Variants in ATXN2 observed in about 807,000 individuals in gnomAD.
ATXN2 encodes the protein ataxin 2.
A neutral mutation model predicts 138.6 loss-of-function variants in ATXN2; 37 were observed. That is an observed-to-expected ratio of 0.27 (90% confidence interval 0.21 to 0.35). ATXN2 has a LOEUF of 0.35. Ranked by LOEUF, ATXN2 falls within the 10% of genes least tolerant of loss-of-function variation. The pLI, the probability that ATXN2 is intolerant of heterozygous loss-of-function variation, is 1.00. For missense variants in ATXN2, 1,216 were observed against 1,480.3 expected (o/e 0.82, Z 2.93); for synonymous variants, 549 against 543.7 (o/e 1.01, Z -0.13).
At chr12:111,479,113 T>G (rs1877030045) in intron 18 of ATXN2, 1 of 392,318 alleles carries the variant, frequency 2.5e-6, no homozygotes, top group East Asian at 3.6e-5. Context: ...CTAAAAGAAA[T>G]AAAAACACAA....
chr12:111,532,871 A>AT (rs1592870353), intron 5 of ATXN2, among the ~76,000 whole-genome samples: 2 of 151,010 alleles, frequency 1.3e-5, no homozygotes, highest in African/African-American at 4.9e-5. Context: ...AAAAAAAAAA[A>AT]GTCTGCTGAA....
intron 10 of ATXN2, among the ~76,000 whole-genome samples, chr12:111,515,492 C>A (rs371868586): frequency 6.6e-6 from 1 of 152,030 alleles, no homozygotes; most frequent in Non-Finnish European, 1.5e-5. Context: ...TTATTTTTGA[C>A]GAGGAAAGAA....
chr12:111,551,545 AT>A (rs1225546112), intron 5 of ATXN2, among the ~76,000 whole-genome samples: 1 of 151,936 alleles, frequency 6.6e-6, no homozygotes, highest in Non-Finnish European at 1.5e-5. Context: ...ACCCTTTTTC[AT>A]TTTCATTAGA....
chr12:111,559,777 C>CAA (rs58659313), intron 1 of ATXN2, among the ~76,000 whole-genome samples: 50 of 76,038 alleles, frequency 6.6e-4, no homozygotes, highest in Non-Finnish European at 5.6e-4. Context: ...TCTCAAAAAA[C>CAA]AAAAAAAAAA....
intron 20 of ATXN2, among the ~76,000 whole-genome samples, chr12:111,466,662 T>C (rs1000819264): frequency 2.0e-5 from 3 of 152,180 alleles, no homozygotes; most frequent in African/African-American, 7.2e-5. Flanking sequence ...ATACTAAAAA[T>C]TTAAAAACAA....
In ATXN2 at chr12:111,552,598, T is replaced by C; in HGVS notation, c.421-168A>G. The C allele has an allele frequency of 7.3e-6, 5 of 687,260 alleles. No individual in the cohort carries two copies. The South Asian group carries it at 1.3e-4, about 18-fold the overall frequency. 42.6% of individuals were successfully genotyped at this position (687,260 alleles called of 1,614,324 possible). On this transcript the variant is annotated intron_variant, in intron 4 of 24. Transcript: ENST00000673436. This position sits in a 1 kb window ranked among gnomAD's most constrained non-coding sequence, Gnocchi z 4.1. The stretch of plus-strand genomic sequence containing the variant: ...ATGATCTATTATCCATTCCATCATT[T>C]AAAAATCCTCATATCTAAATGTTTT...
intron 6 of ATXN2, among the ~76,000 whole-genome samples, chr12:111,523,262 A>C (rs1880290493): frequency 6.6e-6 from 1 of 151,996 alleles, no homozygotes; most frequent in Non-Finnish European, 1.5e-5. Flanking sequence ...ATAGGATCCC[A>C]GTGTTCTGCA....
rs187304282 is a variant in ATXN2, at chr12:111,576,933, G to C, written c.252-21014C>G. ...AGATCACGCCACTGCACTCCAGCCT[G>C]GGCGACAGAGCGAGACTCCGTCTCC... On this transcript the variant is annotated intron_variant, in intron 1 of 24. Coordinates refer to ENST00000673436, the MANE Select transcript of ATXN2 (RefSeq NM_001372574.1). 7.7e-3 allele frequency among the ~76,000 whole-genome samples: 1,177 copies of C among 151,980 alleles called. 4 individuals are homozygous for C. Among genetic ancestry groups the C allele is most frequent in the Non-Finnish European group, 1.0e-2 (678 of 67,966 alleles).
At chr12:111,469,082 T>C (rs1566008675) in intron 20 of ATXN2, 1 of 152,220 alleles carries the variant, frequency 6.6e-6, no homozygotes, top group Non-Finnish European at 1.5e-5. Context: ...TTTATATTCT[T>C]AGTATTTCAA....
At chr12:111,509,732 T>C in intron 13 of ATXN2, 113 bp from the exon 14 acceptor site, 1 of 929,964 alleles carries the variant, frequency 1.1e-6, no homozygotes, top group Non-Finnish European at 1.6e-6. Flanking sequence ...GAAAATAATT[T>C]CAAATATTAA....
chr12:111,599,563 G>C, upstream of ATXN2: 2 of 1,161,102 alleles, frequency 1.7e-6, no homozygotes, highest in Non-Finnish European at 2.1e-6. Context: ...GGTGCGGATA[G>C]GGACTCTTTA....
At chr12:111,496,653 AGAAATTAAGAAGAAAACTG>A (rs1373446549) in intron 14 of ATXN2, among the ~76,000 whole-genome samples, 1 of 152,186 alleles carries the variant, frequency 6.6e-6, no homozygotes, top group East Asian at 1.9e-4. Flanking sequence ...GGGTCCATGA[AGAAATTAAGAAGAAAACTG>A]GAAAATTCCT....
intron 18 of ATXN2, among the ~76,000 whole-genome samples, chr12:111,475,288 G>A (rs181718931): frequency 2.6e-3 from 367 of 141,122 alleles, no homozygotes; most frequent in African/African-American, 8.0e-3. Flanking sequence ...AGGTTGCAGT[G>A]AGTTGAGATT....
At chr12:111,507,585 G>C (rs1879235362) in intron 14 of ATXN2, among the ~76,000 whole-genome samples, 1 of 151,426 alleles carries the variant, frequency 6.6e-6, no homozygotes, top group African/African-American at 2.4e-5. Context: ...GGGAGGTGGG[G>C]GGCACCTCTG....
chr12:111,484,956 G>T (rs1213927643), intron 18 of ATXN2, among the ~76,000 whole-genome samples: 5 of 152,118 alleles, frequency 3.3e-5, no homozygotes, highest in Non-Finnish European at 7.3e-5. Context: ...TTGGGCTCCT[G>T]AGCTCAAGCA....
chr12:111,479,409 A>AG (rs977176489), intron 18 of ATXN2, among the ~76,000 whole-genome samples: 1 of 150,606 alleles, frequency 6.6e-6, no homozygotes, highest in Non-Finnish European at 1.5e-5. Context: ...AAAAAAAAAA[A>AG]AAAAAAAGAG....
chr12:111,512,153 G>A (rs1288599159), intron 11 of ATXN2: 2 of 152,054 alleles, frequency 1.3e-5, no homozygotes, highest in Middle Eastern at 3.4e-3. Flanking sequence ...GTTTCATCAT[G>A]TTGGTCAGGC....
chr12:111,473,238 C>A (rs1456384468), intron 18 of ATXN2, among the ~76,000 whole-genome samples: 1 of 150,672 alleles, frequency 6.6e-6, no homozygotes, highest in East Asian at 1.9e-4. Flanking sequence ...CATCCCACTG[C>A]ACTCCAGCCT....
At chr12:111,461,472 A>AAAAAT (rs59454350) in intron 21 of ATXN2, among the ~76,000 whole-genome samples, 15,080 of 151,592 alleles carry the variant, frequency 0.099, 2,538 homozygotes, top group African/African-American at 0.35. Flanking sequence ...CTCCGTCTCA[A>AAAAAT]AAAATAAAAT....
Sources: gnomAD v4.1 joint callset for allele counts (sites outside exome capture counted in the v4.1 genomes callset) on GRCh38, gnomAD v4.1.1 for gene constraint, Gnocchi (gnomAD v3.1) non-coding constraint, MANE v1.5 for transcripts, NCBI Gene and HGNC (gene_info 2026-07-23, HGNC 2026-07-21) for gene names.